RABGAP1: variants seen among roughly 807,000 people sequenced by gnomAD.
RABGAP1 encodes the protein rab GTPase-activating protein 1.
RABGAP1 carries 23 observed loss-of-function variants against 137.6 expected under a neutral mutation model. The ratio of observed to expected loss-of-function variants is 0.17; its 90% CI spans 0.12 to 0.24. The LOEUF (loss-of-function observed/expected upper bound fraction) is 0.24. Ranked by LOEUF, RABGAP1 falls within the 10% of genes least tolerant of loss-of-function variation. The probability of loss-of-function intolerance (pLI) is 1.00; values close to 1 mark genes in which losing one functional copy is unlikely to be tolerated. For missense variants in RABGAP1, 906 were observed against 1,275.8 expected, an observed-to-expected ratio of 0.71 and a Z score of 4.42; for synonymous variants, 451 against 450.7, an observed-to-expected ratio of 1.00 and a Z score of -0.01.
intron 2 of RABGAP1, among the ~76,000 whole-genome samples, chr9:122,964,732 T>C (rs1290873146): frequency 1.3e-5 from 2 of 152,188 alleles, no homozygotes; most frequent in African/African-American, 4.8e-5. Context: ...CTCATGCTTG[T>C]AATCCCAGCA....
rs766115625 is a variant in RABGAP1, at chr9:123,101,694, G to C, written c.3018G>C (p.Gln1006His). Residue 1006 changes from glutamine (Q) to histidine (H), a missense_variant, in exon 25 of 26, where the codon CAG becomes CAC. Around this residue, in one of 9 missense-constraint regions of RABGAP1, gnomAD observed 193 missense variants for 248.1 expected, o/e 0.78. Transcript: ENST00000373647. ...AAGAGAAAGAGACGCTCAAGAACCA[G>C]CTGAGAGAAATGGAGCTAGAACTGG... ...TDEEKETLKN[Q>H]LREMELELAQ... 3.7e-6 allele frequency: 6 copies of C among 1,613,954 alleles called. No homozygotes were observed. The highest frequency in any genetic ancestry group is 4.2e-6 in the Non-Finnish European group (5 of 1,179,976).
At chr9:123,098,923 C>A in intron 23 of RABGAP1, 125 bp downstream of exon 23, 1 of 591,186 alleles carries the variant, frequency 1.7e-6, no homozygotes, top group Non-Finnish European at 3.0e-6. Flanking sequence ...CTGGCTCTGC[C>A]CCTGCACTGA....
chr9:123,016,090 C>T (rs1010945506), intron 12 of RABGAP1, among the ~76,000 whole-genome samples: 3 of 152,084 alleles, frequency 2.0e-5, no homozygotes, highest in Admixed American at 6.6e-5. Context: ...CCTGCTCTAT[C>T]GATTACTATC....
chr9:123,082,397 T>A (rs1456667847), intron 19 of RABGAP1, among the ~76,000 whole-genome samples: 1 of 152,206 alleles, frequency 6.6e-6, no homozygotes, highest in Non-Finnish European at 1.5e-5. Context: ...TTCTAGAAGA[T>A]CATTTATGGA....
chr9:122,989,560 T>C, intron 5 of RABGAP1, 89 bp downstream of exon 5: 1 of 1,353,500 alleles, frequency 7.4e-7, no homozygotes. Context: ...TTATGATCAC[T>C]CATAAGCCAG....
At chr9:122,962,641 T>G (rs2131644622) in intron 2 of RABGAP1, among the ~76,000 whole-genome samples, 1 of 152,138 alleles carries the variant, frequency 6.6e-6, no homozygotes, top group South Asian at 2.1e-4. Flanking sequence ...TAGAAAATAT[T>G]TACTAAGTCC....
chr9:123,024,515 C>T (rs1423846081), intron 13 of RABGAP1, among the ~76,000 whole-genome samples: 3 of 151,812 alleles, frequency 2.0e-5, no homozygotes, highest in African/African-American at 7.3e-5. Flanking sequence ...TCTCAGCTCA[C>T]TGCAACCTCC....
chr9:123,090,294 A>G lies in RABGAP1; in HGVS notation c.2537A>G (p.Gln846Arg), dbSNP rs2132214108. The change falls in exon 21 of 26, where the codon CAA (glutamine) becomes CGA (arginine). Residue 846 changes from glutamine to arginine, a missense_variant. By Grantham distance (43) the Gln-to-Arg change is conservative. Around this residue, in one of 9 missense-constraint regions of RABGAP1, gnomAD observed 77 missense variants for 105.6 expected, o/e 0.73. Coordinates refer to ENST00000373647, the MANE Select transcript of RABGAP1 (RefSeq NM_012197.4). ...ERFERENRRL[Q>R]EANMRLEQEN... Reference sequence around the variant, plus strand: ...CTTCAGCGGGAGAATAGGCGTCTACAAGAAGCTAACATGAGGTTGGAACAG... The same window carrying G: ...CTTCAGCGGGAGAATAGGCGTCTACGAGAAGCTAACATGAGGTTGGAACAG... 6.2e-7 allele frequency: 1 copy of G among 1,612,854 alleles called. No homozygotes were observed. Among genetic ancestry groups the G allele is most frequent in the Non-Finnish European group, 8.5e-7 (1 of 1,179,592 alleles).
At chr9:123,006,565 T>C (rs1237374253) in intron 10 of RABGAP1, among the ~76,000 whole-genome samples, 4 of 152,210 alleles carry the variant, frequency 2.6e-5, no homozygotes, top group African/African-American at 9.6e-5. Context: ...CCTCTGGTCT[T>C]GCATTAGAAT....
At chr9:123,052,744 A>G (rs911286183) in intron 13 of RABGAP1, among the ~76,000 whole-genome samples, 6 of 152,218 alleles carry the variant, frequency 3.9e-5, no homozygotes, top group Non-Finnish European at 8.8e-5. Flanking sequence ...AGCCTGGCCA[A>G]CATGGCGAAA....
chr9:122,973,170 A>G (rs1349717777), intron 2 of RABGAP1, among the ~76,000 whole-genome samples: 2 of 152,312 alleles, frequency 1.3e-5, no homozygotes, highest in Admixed American at 6.5e-5. Flanking sequence ...GCTCTTACCC[A>G]AAGATACTCT....
Position 122,942,686 on chromosome 9 carries a change from A to AAAAC in RABGAP1, c.-50+1595_-50+1596insACAA, listed in dbSNP as rs1222599057. Among the ~76,000 whole-genome samples, 4 of 151,082 alleles carry AAAAC rather than the reference A, an allele frequency of 2.6e-5. 1 individual carries two copies. Among genetic ancestry groups the AAAAC allele is most frequent in the African/African-American group, 9.7e-5 (4 of 41,266 alleles). The stretch of plus-strand genomic sequence containing the variant: ...CTCCGTCTCAAAAAAAAAAAAAAAA[A>AAAAC]AACACAAAAAAACAAAATAGGGAAG... On this transcript the variant is annotated intron_variant, in intron 1 of 25. Transcript: ENST00000373647.
chr9:123,089,839 G>A lies in RABGAP1; in HGVS notation c.2506G>A (p.Glu836Lys), dbSNP rs117178690. ...GCAGGCCCAGCAAGAAGACCCCATC[G>A]AGCGATTTGAGGTTTGTTTGCTTAT... ...EQQAQQEDPI[E>K]RFERENRRLQ... The change falls in exon 20 of 26, where the codon GAG (glutamate) becomes AAG (lysine). Residue 836 changes from glutamate to lysine, a missense_variant. Coordinates refer to ENST00000373647, the MANE Select transcript of RABGAP1 (RefSeq NM_012197.4). 81 of 1,613,434 alleles carry A rather than the reference G, an allele frequency of 5.0e-5. No homozygotes were observed. Among genetic ancestry groups the A allele is most frequent in the Non-Finnish European group, 6.7e-5 (79 of 1,179,566 alleles).
At chr9:123,007,707 T>C (rs1007252794) in intron 10 of RABGAP1, among the ~76,000 whole-genome samples, 4 of 151,330 alleles carry the variant, frequency 2.6e-5, no homozygotes, top group Non-Finnish European at 5.9e-5. Flanking sequence ...TGAGCCATCA[T>C]GCCTGGCCAC....
At chr9:123,061,498 G>A (rs1173283393) in intron 13 of RABGAP1, among the ~76,000 whole-genome samples, 1 of 152,230 alleles carries the variant, frequency 6.6e-6, no homozygotes, top group African/African-American at 2.4e-5. Context: ...CTCTACAAGG[G>A]AAGAGTTGAA....
chr9:122,976,365 C>T (rs1481508140), intron 2 of RABGAP1, among the ~76,000 whole-genome samples: 4 of 152,180 alleles, frequency 2.6e-5, no homozygotes, highest in African/African-American at 9.7e-5. Context: ...TGCTAAATTA[C>T]ATTAGAAGTC....
chr9:123,080,795 A>C (rs55666488), intron 19 of RABGAP1, among the ~76,000 whole-genome samples: 59 of 152,182 alleles, frequency 3.9e-4, no homozygotes, highest in African/African-American at 1.4e-3. Context: ...TTGCTCTGCA[A>C]CTCACTGAAA....
At position 122,984,605 on chromosome 9, in the gene RABGAP1, G is replaced by A. The variant is rs746372820; in HGVS notation, c.271G>A (p.Glu91Lys). The A allele has an allele frequency of 6.2e-7, 1 of 1,614,202 alleles. No homozygotes were observed. The highest frequency in any genetic ancestry group is 8.5e-7 in the Non-Finnish European group (1 of 1,180,040). Residue 91 changes from glutamate to lysine, a missense_variant, in exon 3 of 26, where the codon GAA becomes AAA. Coordinates refer to ENST00000373647, the MANE Select transcript of RABGAP1 (RefSeq NM_012197.4). ...ELVKRSQLDGEGDGPLSNQLS... is the reference protein window; with the variant it reads ...ELVKRSQLDGKGDGPLSNQLS... The stretch of plus-strand genomic sequence containing the variant: ...TGTGAAAAGGTCACAACTGGATGGT[G>A]AAGGAGATGGGCCTCTTTCTAATCA...
At position 123,035,300 on chromosome 9, in the gene RABGAP1, G is replaced by A. The variant is rs1170910916; in HGVS notation, c.1794+14841G>A. On this transcript the variant is annotated intron_variant, in intron 13 of 25. Coordinates refer to ENST00000373647, the MANE Select transcript of RABGAP1 (RefSeq NM_012197.4). ...GGGGAGACTGGGGAAGTGCAGGCCTGTCCTGATAAGCGCTATGCCATGGTC... is the reference window on the plus strand; with the variant it reads ...GGGGAGACTGGGGAAGTGCAGGCCTATCCTGATAAGCGCTATGCCATGGTC... 3 of 1,614,044 alleles carry A rather than the reference G, an allele frequency of 1.9e-6. No homozygotes were observed. The African/African-American group carries it at 4.0e-5, about 22-fold the overall frequency.
Sources: gnomAD v4.1 joint callset for allele counts (sites outside exome capture counted in the v4.1 genomes callset) on GRCh38, gnomAD v4.1.1 for gene constraint, gnomAD v4.1.1 regional missense constraint, MANE v1.5 for transcripts, NCBI Gene and HGNC (gene_info 2026-07-23, HGNC 2026-07-21) for gene names.